SYT7: variants seen among roughly 807,000 people sequenced by gnomAD.
SYT7 encodes synaptotagmin-7.
SYT7 carries 29 observed loss-of-function variants against 75.1 expected under a neutral mutation model. The ratio of observed to expected loss-of-function variants is 0.39; its 90% CI spans 0.29 to 0.53. The LOEUF (loss-of-function observed/expected upper bound fraction) is 0.53, where lower values mean the gene tolerates loss of function less well. SYT7 is among the 20% of genes least tolerant of loss of function. SYT7 has a pLI of 0.77. For synonymous variants in SYT7, 376 were observed against 401.7 expected (o/e 0.94, Z 0.76); for missense variants, 693 against 953.2 (o/e 0.73, Z 3.59).
At chr11:61,536,767 G>A (rs1590864813) in intron 7 of SYT7, among the ~76,000 whole-genome samples, 1 of 152,326 alleles carries the variant, frequency 6.6e-6, no homozygotes, top group East Asian at 1.9e-4. Flanking sequence ...CAGAGGGACA[G>A]GCAAGCCAGC....
In SYT7 at chr11:61,542,721, G is replaced by T; in HGVS notation, c.573-142C>A. 7.4e-7 allele frequency: 1 copy of T among 1,353,206 alleles called. No individual in the cohort carries two copies. The highest frequency in any genetic ancestry group is 9.5e-7 in the Non-Finnish European group (1 of 1,051,568). The allele number at this position is 1,353,206 out of a possible 1,614,324, so 83.8% of individuals were successfully genotyped here. On this transcript the variant is annotated intron_variant, in intron 5 of 12. Transcript: ENST00000539008. The surrounding 1 kb of genome is among the most constrained non-coding windows in gnomAD (Gnocchi z 7.8). ...ACCTCGCCAGGCCTCCATCGGAGCT[G>T]TCGCCACCGCCGTCGCCGCCACTGC...
At chr11:61,569,548 C>A (rs553923451) in intron 1 of SYT7, among the ~76,000 whole-genome samples, 1 of 151,962 alleles carries the variant, frequency 6.6e-6, no homozygotes, top group Non-Finnish European at 1.5e-5. Context: ...AGGGACACAT[C>A]GCAGGAAGAA....
At chr11:61,569,975 G>A (rs1049314814) in intron 1 of SYT7, among the ~76,000 whole-genome samples, 1 of 152,240 alleles carries the variant, frequency 6.6e-6, no homozygotes, top group African/African-American at 2.4e-5. Context: ...CTCACCCGGG[G>A]CAGCCAGCTG....
At chr11:61,545,695 T>A (rs2135265505) in intron 5 of SYT7, among the ~76,000 whole-genome samples, 1 of 152,260 alleles carries the variant, frequency 6.6e-6, no homozygotes, top group East Asian at 1.9e-4. Flanking sequence ...AGGGATGACC[T>A]GGTGGCTGAG....
At chr11:61,564,615 T>C (rs2063719207) in intron 1 of SYT7, among the ~76,000 whole-genome samples, 1 of 152,206 alleles carries the variant, frequency 6.6e-6, no homozygotes, top group Non-Finnish European at 1.5e-5. Flanking sequence ...TGGCTCTTAC[T>C]CTTGTTCCAC....
At chr11:61,575,413 A>G (rs1024402479) in intron 1 of SYT7, among the ~76,000 whole-genome samples, 1 of 152,136 alleles carries the variant, frequency 6.6e-6, no homozygotes, top group Non-Finnish European at 1.5e-5. Flanking sequence ...GTGCATACAC[A>G]CATGCACAGA....
Position 61,576,654 on chromosome 11 carries a change from G to GA in SYT7, c.31+4135dup, listed in dbSNP as rs534879575. On this transcript the variant is annotated intron_variant, in intron 1 of 12. Coordinates refer to ENST00000539008, the MANE Select transcript of SYT7 (RefSeq NM_001365809.2). This position sits in a 1 kb window ranked among gnomAD's most constrained non-coding sequence, Gnocchi z 4.1. ...CCTGGGGGAACCAGTTATTGAAAAC[G>GA]AAAACGGTCCATCAGATTCAATAAG... Among the ~76,000 whole-genome samples the GA allele has an allele frequency of 2.3e-4, 30 of 131,736 alleles. No individual in the cohort carries two copies. The South Asian group carries it at 6.7e-3, about 30-fold the overall frequency. The allele number at this position is 131,736 out of a possible 152,430, so 86.4% of individuals were successfully genotyped here.
chr11:61,548,257 C>CCTG (rs1311100233), intron 3 of SYT7, among the ~76,000 whole-genome samples: 1 of 152,206 alleles, frequency 6.6e-6, no homozygotes, highest in Non-Finnish European at 1.5e-5. Context: ...CCCTGGCCTG[C>CCTG]CTGCTGGTGC....
At chr11:61,534,111 AAG>A (rs374301019) in intron 7 of SYT7, among the ~76,000 whole-genome samples, 16 of 152,278 alleles carry the variant, frequency 1.1e-4, no homozygotes, top group Non-Finnish European at 1.5e-4. Context: ...CATGAGGAGG[AAG>A]AGAGGTAGGG....
intron 8 of SYT7, among the ~76,000 whole-genome samples, chr11:61,531,977 C>T (rs750093625): frequency 4.0e-5 from 6 of 151,828 alleles, no homozygotes; most frequent in Non-Finnish European, 8.8e-5. Context: ...CCAAGGTTCC[C>T]GGCTGATTCC....
chr11:61,580,913 C>T lies in SYT7; in HGVS notation c.-93G>A. On this transcript the variant is annotated 5_prime_UTR_variant, in exon 1 of 13. Coordinates refer to ENST00000539008, the MANE Select transcript of SYT7 (RefSeq NM_001365809.2). The surrounding 1 kb of genome is among the most constrained non-coding windows in gnomAD (Gnocchi z 6.1). ...CGCCGCTGGGCATGGGGCCGGGCGACCCCCGGGGGCGGGTCCGAGGGCGGG... is the reference window on the plus strand; with the variant it reads ...CGCCGCTGGGCATGGGGCCGGGCGATCCCCGGGGGCGGGTCCGAGGGCGGG... 9.3e-7 allele frequency: 1 copy of T among 1,071,162 alleles called. No homozygotes were observed. The highest frequency in any genetic ancestry group is 1.1e-6 in the Non-Finnish European group (1 of 886,190). The allele number at this position is 1,071,162 out of a possible 1,614,324, so 66.4% of individuals were successfully genotyped here.
rs548801217 is a variant in SYT7, at chr11:61,518,543, G to A, written c.*84C>T. On this transcript the variant is annotated 3_prime_UTR_variant, in exon 13 of 13. Coordinates refer to ENST00000539008, the MANE Select transcript of SYT7 (RefSeq NM_001365809.2). ...GGTCCTCCCCTCCCTATGGCAGGGG[G>A]CTCAGGCCGGGCGTTGTGCATAAAG... The A allele has an allele frequency of 1.5e-5, 15 of 995,586 alleles. No homozygotes were observed. Among genetic ancestry groups the A allele is most frequent in the East Asian group, 8.7e-5 (3 of 34,368 alleles). 61.7% of individuals were successfully genotyped at this position (995,586 alleles called of 1,614,324 possible).
At chr11:61,555,373 G>A (rs2135341573) in intron 2 of SYT7, among the ~76,000 whole-genome samples, 1 of 152,356 alleles carries the variant, frequency 6.6e-6, no homozygotes, top group East Asian at 1.9e-4. Flanking sequence ...GTGGGGACGG[G>A]AGTGGAGGTC....
Position 61,556,185 on chromosome 11 carries a change from C to A in SYT7, c.54G>T (p.Leu18=). Residue 18 remains leucine, a synonymous_variant, in exon 2 of 13, where the codon CTG becomes CTT. Transcript: ENST00000539008. ...TGACGGTGATGATGGCAGAGACCAGCAGGACGTCGCGCGAGGGCGCCCCTG... is the reference window on the plus strand; with the variant it reads ...TGACGGTGATGATGGCAGAGACCAGAAGGACGTCGCGCGAGGGCGCCCCTG... ...ASPGAPSRDV[L]LVSAIITVSL... 1 of 1,613,820 alleles carries A rather than the reference C, an allele frequency of 6.2e-7. No homozygotes were observed. Among genetic ancestry groups the A allele is most frequent in the African/African-American group, 1.3e-5 (1 of 75,054 alleles).
chr11:61,534,965 T>C lies in SYT7; in HGVS notation c.1065-1841A>G, dbSNP rs536791905. Among the ~76,000 whole-genome samples, 37 of 150,272 alleles carry C rather than the reference T, an allele frequency of 2.5e-4. No homozygotes were observed. In the South Asian group the frequency reaches 7.6e-3, roughly 31 times the overall value. ...AAACAGAGTGGAAGAGCAGGGAGAG[T>C]GTGAGATTGACTGCTGAAGATATGA... is the stretch of plus-strand genomic sequence containing the variant. On this transcript the variant is annotated intron_variant, in intron 7 of 12. Coordinates refer to ENST00000539008, the MANE Select transcript of SYT7 (RefSeq NM_001365809.2).
Position 61,516,135 on chromosome 11 carries a change from C to T in SYT7, c.*2492G>A, listed in dbSNP as rs1382826169. ...CCCTCCCCCCACCCTCAAGTTCCCC[C>T]ATTCTCTGCTCTCCTATTGCCCTAG... is the stretch of plus-strand genomic sequence containing the variant. On this transcript the variant is annotated 3_prime_UTR_variant, in exon 13 of 13. Coordinates refer to ENST00000539008, the MANE Select transcript of SYT7 (RefSeq NM_001365809.2). The surrounding 1 kb of genome is among the most constrained non-coding windows in gnomAD (Gnocchi z 4.6). 3 of 151,616 alleles carry T rather than the reference C, an allele frequency of 2.0e-5. No homozygotes were observed. The highest frequency in any genetic ancestry group is 4.4e-5 in the Non-Finnish European group (3 of 67,894). The allele number at this position is 151,616 out of a possible 1,614,324, so 9.4% of individuals were successfully genotyped here.
intron 2 of SYT7, among the ~76,000 whole-genome samples, chr11:61,552,680 C>T (rs1208086974): frequency 1.3e-5 from 2 of 152,192 alleles, no homozygotes; most frequent in African/African-American, 4.8e-5. Flanking sequence ...ACGGGAGCCA[C>T]CTATCTAGGG....
chr11:61,572,535 C>T (rs1179977220), intron 1 of SYT7, among the ~76,000 whole-genome samples: 1 of 152,168 alleles, frequency 6.6e-6, no homozygotes, highest in Non-Finnish European at 1.5e-5. Context: ...GTGACCCGGG[C>T]AAGACACTCA....
Position 61,519,978 on chromosome 11 carries a change from G to A in SYT7, c.1957-1247C>T, listed in dbSNP as rs1419176097. On this transcript the variant is annotated intron_variant, in intron 12 of 12. Transcript: ENST00000539008. ...TGGGATTACAGGCGCCCGCCACCACGCCCGGCTAATTTTTGTATTTTTAGT... is the reference window on the plus strand; with the variant it reads ...TGGGATTACAGGCGCCCGCCACCACACCCGGCTAATTTTTGTATTTTTAGT... Among the ~76,000 whole-genome samples the A allele has an allele frequency of 1.3e-4, 20 of 151,772 alleles. No homozygotes were observed. In the East Asian group the frequency reaches 2.5e-3, roughly 19 times the overall value.
Sources: allele counts gnomAD v4.1 joint callset (sites outside exome capture counted in the v4.1 genomes callset), GRCh38; gene constraint gnomAD v4.1.1; non-coding constraint Gnocchi (gnomAD v3.1); transcripts MANE v1.5; gene names NCBI Gene and HGNC (gene_info 2026-07-23, HGNC 2026-07-21).